The following MAPK10 variants were observed in gnomAD, a reference collection of about 807,000 sequenced individuals.
The protein encoded by MAPK10 is JNK3 alpha protein kinase.
A neutral mutation model predicts 59.3 loss-of-function variants in MAPK10; 25 were observed. That is an observed-to-expected ratio of 0.42 (90% confidence interval 0.31 to 0.59). The LOEUF (loss-of-function observed/expected upper bound fraction) is 0.59, where lower values mean the gene tolerates loss of function less well. MAPK10 is among the 20% of genes least tolerant of loss of function. MAPK10 has a pLI of 0.15. For missense variants in MAPK10, 351 were observed against 568.9 expected (o/e 0.62, Z 3.90); for synonymous variants, 190 against 200.5 (o/e 0.95, Z 0.44).
intron 11 of MAPK10, among the ~76,000 whole-genome samples, chr4:86,034,001 T>G (rs769004112): frequency 2.0e-4 from 30 of 152,234 alleles, no homozygotes; most frequent in Non-Finnish European, 3.5e-4. Flanking sequence ...GCTTGTGCTC[T>G]TTCCCTATCT....
chr4:86,551,518 TC>T (rs1759773944), intron 1 of MAPK10, among the ~76,000 whole-genome samples: 2 of 152,148 alleles, frequency 1.3e-5, no homozygotes, highest in Non-Finnish European at 2.9e-5. Flanking sequence ...CTTGTTTTCT[TC>T]CTTCCATCTT....
At chr4:86,516,856 A>T (rs1756706208) in intron 1 of MAPK10, among the ~76,000 whole-genome samples, 1 of 152,198 alleles carries the variant, frequency 6.6e-6, no homozygotes, top group African/African-American at 2.4e-5. Context: ...TATCACTGGC[A>T]AACAGTGACA....
chr4:86,153,059 C>T (rs1227052771), intron 4 of MAPK10, among the ~76,000 whole-genome samples: 1 of 152,024 alleles, frequency 6.6e-6, no homozygotes, highest in African/African-American at 2.4e-5. Context: ...CAGGATTAAT[C>T]TGAAAAAATA....
chr4:86,300,353 C>T (rs140958569), intron 2 of MAPK10, among the ~76,000 whole-genome samples: 236 of 152,258 alleles, frequency 1.5e-3, no homozygotes, highest in Middle Eastern at 3.4e-3. Flanking sequence ...CTATCCAATG[C>T]TGTGCAATTA....
intron 1 of MAPK10, among the ~76,000 whole-genome samples, chr4:86,420,401 C>T (rs988096561): frequency 2.0e-5 from 3 of 152,156 alleles, no homozygotes; most frequent in African/African-American, 7.2e-5. Flanking sequence ...ATAGGTACTT[C>T]TATTGAGGGC....
At chr4:86,593,448 T>C (rs1461597307) in intron 1 of MAPK10, among the ~76,000 whole-genome samples, 1 of 152,222 alleles carries the variant, frequency 6.6e-6, no homozygotes, top group African/African-American at 2.4e-5. Context: ...TGTTTAACTA[T>C]TGAAACTCAA....
intron 1 of MAPK10, among the ~76,000 whole-genome samples, chr4:86,438,678 A>G (rs1749061689): frequency 6.6e-6 from 1 of 151,284 alleles, no homozygotes; most frequent in Non-Finnish European, 1.5e-5. Flanking sequence ...TGACAAGAGC[A>G]AAACTCCATC....
At chr4:86,325,093 A>G (rs1464162476) in intron 2 of MAPK10, among the ~76,000 whole-genome samples, 1 of 152,162 alleles carries the variant, frequency 6.6e-6, no homozygotes, top group Non-Finnish European at 1.5e-5. Context: ...ATTTAATTAA[A>G]TCTTCTTCTA....
chr4:86,377,825 T>C (rs1308399632), intron 1 of MAPK10, among the ~76,000 whole-genome samples: 1 of 152,128 alleles, frequency 6.6e-6, no homozygotes, highest in Non-Finnish European at 1.5e-5. Flanking sequence ...ATTAAAGAAC[T>C]TGGAGTCCGA....
rs151048716 is a variant in MAPK10, at chr4:86,320,863, C to G, written c.-7+33667G>C. 5.5e-3 allele frequency among the ~76,000 whole-genome samples: 839 copies of G among 152,102 alleles called. 7 individuals carry two copies. The highest frequency in any genetic ancestry group is 0.019 in the African/African-American group (795 of 41,516). ...CTGTAAGGAAGGGATCCAGTTTCAG[C>G]TTTCTACATATGGCAAATTTACAAG... On this transcript the variant is annotated intron_variant, in intron 2 of 13. Coordinates refer to ENST00000641462, the MANE Select transcript of MAPK10 (RefSeq NM_138982.4).
chr4:86,054,908 G>A (rs1416342622), intron 11 of MAPK10, among the ~76,000 whole-genome samples: 1 of 152,140 alleles, frequency 6.6e-6, no homozygotes, highest in East Asian at 1.9e-4. Flanking sequence ...AGCTGAGGGA[G>A]GAATTCAGCC....
chr4:86,227,193 A>C (rs543656782), intron 2 of MAPK10, among the ~76,000 whole-genome samples: 11 of 152,322 alleles, frequency 7.2e-5, no homozygotes, highest in Admixed American at 5.9e-4. Context: ...AAAGATGATT[A>C]GAAAAAAGAC....
intron 1 of MAPK10, among the ~76,000 whole-genome samples, chr4:86,590,947 AT>A (rs1057296512): frequency 1.3e-5 from 2 of 152,058 alleles, no homozygotes; most frequent in African/African-American, 4.8e-5. Flanking sequence ...TGATTCTAAA[AT>A]TTTTTTTAGA....
chr4:86,059,196 T>A (rs1372665616), intron 11 of MAPK10, among the ~76,000 whole-genome samples: 1 of 152,180 alleles, frequency 6.6e-6, no homozygotes, highest in African/African-American at 2.4e-5. Context: ...CAGTAAGATA[T>A]AATGGCAGAC....
chr4:86,411,900 T>G (rs1412592367), intron 1 of MAPK10, among the ~76,000 whole-genome samples: 2 of 152,208 alleles, frequency 1.3e-5, no homozygotes, highest in Non-Finnish European at 2.9e-5. Flanking sequence ...CCCATTTACA[T>G]TTAAGGTTAA....
rs567947526 is a variant in MAPK10, at chr4:86,407,322, T to A, written c.-122+45708A>T. Among the ~76,000 whole-genome samples the A allele has an allele frequency of 3.3e-5, 5 of 152,210 alleles. No individual in the cohort carries two copies. In the South Asian group the frequency reaches 1.0e-3, roughly 32 times the overall value. On this transcript the variant is annotated intron_variant, in intron 1 of 13. Transcript: ENST00000361569. ...CAGGAAGTAAATGTTCCTGAGAAGA[T>A]GGGCAGAGGAAATACAATCAAGAGA...
chr4:86,157,042 T>C (rs1209526985), intron 4 of MAPK10, among the ~76,000 whole-genome samples: 4 of 152,050 alleles, frequency 2.6e-5, no homozygotes, highest in African/African-American at 7.2e-5. Context: ...ATGCTCAACA[T>C]TGACATTTTT....
chr4:86,375,833 T>G (rs1036301519), intron 1 of MAPK10, among the ~76,000 whole-genome samples: 4 of 151,894 alleles, frequency 2.6e-5, no homozygotes, highest in African/African-American at 2.4e-5. Context: ...CTCCTTCCCT[T>G]ATGTGTGAAC....
At chr4:86,064,766 G>A (rs1029653299) in intron 10 of MAPK10, 6 of 170,182 alleles carry the variant, frequency 3.5e-5, no homozygotes, top group Non-Finnish European at 7.5e-5. Context: ...ACAAATGTGT[G>A]GACGGCTGTT....
Sources: allele counts gnomAD v4.1 joint callset (sites outside exome capture counted in the v4.1 genomes callset), GRCh38; gene constraint gnomAD v4.1.1; transcripts MANE v1.5; gene names NCBI Gene and HGNC (gene_info 2026-07-23, HGNC 2026-07-21).